Variants in ZNF664 observed in about 807,000 individuals in gnomAD.
ZNF664 encodes the protein zinc finger Organ of Corti 1.
In ZNF664, 10 loss-of-function variants were observed where a neutral mutation model predicts 18.2. The observed-to-expected ratio is 0.55, with a 90% confidence interval of 0.34 to 0.93. The LOEUF (loss-of-function observed/expected upper bound fraction) is 0.93, where lower values mean the gene tolerates loss of function less well. Ranked by LOEUF, ZNF664 falls within the 40% of genes least tolerant of loss-of-function variation. The pLI is 0.02. For synonymous variants in ZNF664, 119 were observed against 104.2 expected (o/e 1.14, Z -0.86); for missense variants, 193 against 319.0 (o/e 0.61, Z 3.01).
intron 3 of ZNF664, among the ~76,000 whole-genome samples, chr12:123,999,323 A>G (rs1471203988): frequency 6.6e-6 from 1 of 152,206 alleles, no homozygotes; most frequent in Non-Finnish European, 1.5e-5. Context: ...TATACCACAC[A>G]TTCTGATAGA....
In ZNF664 at chr12:123,977,028, G is replaced by C. The variant is rs529554288; in HGVS notation, c.-757+3008G>C. Among the ~76,000 whole-genome samples, 141 of 152,104 alleles carry C rather than the reference G, an allele frequency of 9.3e-4. 1 individual carries two copies. The Middle Eastern group carries it at 0.021, about 22-fold the overall frequency. ...CCGGGAGGTGGAGCTTGCAGTGAGC[G>C]GAGATCATGCCACTGCACTCCAGCC... is the stretch of plus-strand genomic sequence containing the variant. On this transcript the variant is annotated intron_variant, in intron 2 of 4. Transcript: ENST00000337815.
chr12:124,005,495 G>GTC (rs1393606940), intron 3 of ZNF664, among the ~76,000 whole-genome samples: 70 of 141,962 alleles, frequency 4.9e-4, no homozygotes, highest in Admixed American at 9.9e-4. Flanking sequence ...GTGTGTGTGT[G>GTC]TGTGTGTGTG....
intron 3 of ZNF664, among the ~76,000 whole-genome samples, chr12:123,993,695 CAACGTTTCCTTT>C (rs1283477049): frequency 6.6e-6 from 1 of 152,156 alleles, no homozygotes; most frequent in Admixed American, 6.5e-5. Flanking sequence ...GATACCTAAA[CAACGTTTCCTTT>C]AATTTATTTT....
intron 3 of ZNF664, among the ~76,000 whole-genome samples, chr12:124,005,255 T>C (rs943118833): frequency 1.3e-5 from 2 of 152,252 alleles, no homozygotes; most frequent in African/African-American, 4.8e-5. Flanking sequence ...AGCTTTTTGC[T>C]GTTCTTATTT....
chr12:124,000,643 A>G (rs556822654), intron 3 of ZNF664, among the ~76,000 whole-genome samples: 6 of 152,330 alleles, frequency 3.9e-5, no homozygotes, highest in African/African-American at 1.4e-4. Flanking sequence ...CGATCCCTAG[A>G]AATTCCCTCG....
chr12:123,995,193 G>A (rs765901943), intron 3 of ZNF664, among the ~76,000 whole-genome samples: 1 of 152,222 alleles, frequency 6.6e-6, no homozygotes, highest in African/African-American at 2.4e-5. Context: ...GTGTTGTGCA[G>A]CTAAGCCCCA....
At chr12:123,973,679 C>A (rs1208454849) in intron 1 of ZNF664, 7 of 842,074 alleles carry the variant, frequency 8.3e-6, no homozygotes, top group South Asian at 1.2e-4. Context: ...CCGGGCGAGG[C>A]CCCTCGGGAG....
intron 3 of ZNF664, among the ~76,000 whole-genome samples, chr12:123,998,164 C>T (rs1363328168): frequency 3.3e-5 from 5 of 152,130 alleles, no homozygotes; most frequent in Non-Finnish European, 5.9e-5. Context: ...CCCCCGGGAG[C>T]CTTTCTTATA....
chr12:123,977,093 C>T (rs1162886258), intron 2 of ZNF664, among the ~76,000 whole-genome samples: 2 of 152,034 alleles, frequency 1.3e-5, no homozygotes, highest in African/African-American at 2.4e-5. Flanking sequence ...ACAAACAAAA[C>T]CCCCACAAAT....
At chr12:123,982,341 G>A (rs767107291) in intron 2 of ZNF664, among the ~76,000 whole-genome samples, 5 of 152,160 alleles carry the variant, frequency 3.3e-5, no homozygotes, top group Non-Finnish European at 5.9e-5. Context: ...GGGCCCAGTC[G>A]CTGGGAAGTT....
chr12:123,996,614 G>A (rs1956951258), intron 3 of ZNF664, among the ~76,000 whole-genome samples: 2 of 152,106 alleles, frequency 1.3e-5, no homozygotes, highest in African/African-American at 2.4e-5. Flanking sequence ...TTTAAGGTGC[G>A]AAACCCAAGG....
intron 3 of ZNF664, among the ~76,000 whole-genome samples, chr12:124,001,220 CATT>C (rs933761306): frequency 3.3e-5 from 5 of 152,156 alleles, no homozygotes. Flanking sequence ...AGATTATGAT[CATT>C]GTTTCCAACC....
chr12:123,976,917 A>G (rs886179426), intron 2 of ZNF664, among the ~76,000 whole-genome samples: 3 of 152,082 alleles, frequency 2.0e-5, no homozygotes, highest in Admixed American at 1.3e-4. Flanking sequence ...TGTCTCTACT[A>G]AAAATACAAA....
chr12:123,985,147 G>A (rs952631), intron 2 of ZNF664, among the ~76,000 whole-genome samples: 6,260 of 152,066 alleles, frequency 0.041, 394 homozygotes, highest in African/African-American at 0.13. Context: ...AGTGAGAAGA[G>A]TGAATTGGTC....
intron 2 of ZNF664, chr12:123,974,682 T>C (rs1160017121): frequency 6.6e-6 from 1 of 152,256 alleles, no homozygotes; most frequent in Non-Finnish European, 1.5e-5. Flanking sequence ...TCTAGATCTT[T>C]TGGAGTACTT....
At chr12:123,983,158 AAAAG>A (rs1482732686) in intron 2 of ZNF664, among the ~76,000 whole-genome samples, 4 of 152,226 alleles carry the variant, frequency 2.6e-5, no homozygotes, top group Non-Finnish European at 5.9e-5. Context: ...AAAAAATAAA[AAAAG>A]AAAGCAAGCA....
At chr12:123,974,048 TC>T in intron 2 of ZNF664, 28 bp downstream of exon 2, 1 of 1,004,726 alleles carries the variant, frequency 1.0e-6, no homozygotes, top group Non-Finnish European at 1.3e-6. Context: ...GCTGTCCACT[TC>T]CCTCTGACTC....
chr12:124,011,670 C>T lies in ZNF664; in HGVS notation c.-475C>T, dbSNP rs1002510068. The T allele has an allele frequency of 9.9e-7, 1 of 1,006,822 alleles. No homozygotes were observed. The highest frequency in any genetic ancestry group is 1.2e-6 in the Non-Finnish European group (1 of 846,512). The allele number at this position is 1,006,822 out of a possible 1,614,324, so 62.4% of individuals were successfully genotyped here. ...TGCAGGAGGCAGAATGCCAAACTGA[C>T]TCTTCAAGGGGCAACTGCAGGGGCT... On this transcript the variant is annotated 5_prime_UTR_variant, in exon 5 of 5. Coordinates refer to ENST00000337815, the MANE Select transcript of ZNF664 (RefSeq NM_152437.3).
intron 2 of ZNF664, among the ~76,000 whole-genome samples, chr12:123,976,886 C>G (rs1956699339): frequency 2.0e-5 from 3 of 152,040 alleles, no homozygotes; most frequent in Admixed American, 1.3e-4. Context: ...CGAGACCATC[C>G]TGGCTAACAC....
Sources: gnomAD v4.1 joint callset for allele counts (sites outside exome capture counted in the v4.1 genomes callset) on GRCh38, gnomAD v4.1.1 for gene constraint, MANE v1.5 for transcripts, NCBI Gene and HGNC (gene_info 2026-07-23, HGNC 2026-07-21) for gene names.